The following ROBO1 variants were observed in gnomAD, a reference collection of about 807,000 sequenced individuals.
ROBO1 encodes roundabout homolog 1.
A neutral mutation model predicts 195.9 loss-of-function variants in ROBO1; 149 were observed. The observed-to-expected ratio is 0.76, with a 90% CI of 0.67 to 0.87. The LOEUF (loss-of-function observed/expected upper bound fraction) is 0.87. Ranked by LOEUF, ROBO1 falls within the 40% of genes least tolerant of loss-of-function variation. The pLI, the probability that ROBO1 is intolerant of heterozygous loss-of-function variation, is 0.00. For synonymous variants in ROBO1, 816 were observed against 733.2 expected, an observed-to-expected ratio of 1.11 and a Z score of -1.82; for missense variants, 1,933 against 2,068.3, an observed-to-expected ratio of 0.93 and a Z score of 1.27.
intron 2 of ROBO1, 42 bp from the exon 3 acceptor site, chr3:79,125,581 G>GT (rs2080201125): frequency 1.5e-5 from 22 of 1,473,994 alleles, no homozygotes; most frequent in Non-Finnish European, 2.0e-5. Context: ...GGTCACAGTA[G>GT]TAACAGTAGT....
chr3:78,886,655 T>C (rs566345171), intron 4 of ROBO1, among the ~76,000 whole-genome samples: 4 of 152,006 alleles, frequency 2.6e-5, no homozygotes, highest in Non-Finnish European at 5.9e-5. Context: ...AGAAAGAAGA[T>C]GCCTTTCAAA....
intron 1 of ROBO1, among the ~76,000 whole-genome samples, chr3:79,755,984 C>A (rs1704373341): frequency 6.6e-6 from 1 of 152,222 alleles, no homozygotes; most frequent in Non-Finnish European, 1.5e-5. Context: ...ATTTGGCTAT[C>A]CAGTCATTTC....
At chr3:78,716,246 T>C (rs1235048190) in intron 7 of ROBO1, among the ~76,000 whole-genome samples, 1 of 152,156 alleles carries the variant, frequency 6.6e-6, no homozygotes, top group Non-Finnish European at 1.5e-5. Flanking sequence ...GTTCTCACAC[T>C]GCTATGAAGA....
intron 2 of ROBO1, among the ~76,000 whole-genome samples, chr3:79,416,966 G>C (rs971065943): frequency 6.6e-6 from 1 of 152,188 alleles, no homozygotes; most frequent in South Asian, 2.1e-4. Context: ...AGTTAAAAAA[G>C]TAACAATAAC....
At chr3:79,271,229 A>T (rs1192779114) in intron 2 of ROBO1, among the ~76,000 whole-genome samples, 2 of 151,910 alleles carry the variant, frequency 1.3e-5, no homozygotes, top group African/African-American at 4.8e-5. Flanking sequence ...CATTACCAGA[A>T]TTTTTTTTAT....
At chr3:79,575,852 C>T (rs181665900) in intron 2 of ROBO1, among the ~76,000 whole-genome samples, 6 of 151,850 alleles carry the variant, frequency 4.0e-5, no homozygotes, top group Non-Finnish European at 7.4e-5. Context: ...TTACAACAAG[C>T]ATTCACAATT....
chr3:79,587,407 A>T (rs1325600752), intron 2 of ROBO1, among the ~76,000 whole-genome samples: 5 of 151,788 alleles, frequency 3.3e-5, no homozygotes, highest in Non-Finnish European at 7.4e-5. Flanking sequence ...GTACCCTGAG[A>T]AGTCTTGTTC....
chr3:78,661,604 G>A (rs9840004), intron 15 of ROBO1, among the ~76,000 whole-genome samples: 43,035 of 151,980 alleles, frequency 0.28, 6,683 homozygotes, highest in African/African-American at 0.42. Context: ...ATTGCATGTA[G>A]GACATCCCTG....
chr3:79,749,888 C>A (rs1704051896), intron 1 of ROBO1, among the ~76,000 whole-genome samples: 1 of 152,202 alleles, frequency 6.6e-6, no homozygotes, highest in South Asian at 2.1e-4. Context: ...TCAGAGCCCC[C>A]ACACAGAGTC....
At chr3:78,655,446 C>T (rs552209863) in intron 18 of ROBO1, among the ~76,000 whole-genome samples, 9 of 152,250 alleles carry the variant, frequency 5.9e-5, no homozygotes, top group Admixed American at 1.3e-4. Flanking sequence ...CTGCTACAGG[C>T]CCAGGGTCCA....
intron 4 of ROBO1, among the ~76,000 whole-genome samples, chr3:78,885,228 G>C (rs2036476022): frequency 6.6e-6 from 1 of 151,780 alleles, no homozygotes; most frequent in Non-Finnish European, 1.5e-5. Flanking sequence ...TGGACACATA[G>C]AGGTAAAAAA....
intron 1 of ROBO1, among the ~76,000 whole-genome samples, chr3:79,660,107 A>C (rs563416484): frequency 6.6e-6 from 1 of 152,024 alleles, no homozygotes; most frequent in Non-Finnish European, 1.5e-5. Context: ...TTTCAGGTTT[A>C]CCAAATATTT....
intron 29 of ROBO1, among the ~76,000 whole-genome samples, chr3:78,602,147 G>A (rs1372123419): frequency 6.6e-6 from 1 of 152,074 alleles, no homozygotes; most frequent in African/African-American, 2.4e-5. Flanking sequence ...CACTGTTGGA[G>A]GTGGGGCCAG....
At chr3:78,708,060 T>C (rs895830234) in intron 8 of ROBO1, among the ~76,000 whole-genome samples, 1 of 152,132 alleles carries the variant, frequency 6.6e-6, no homozygotes, top group Non-Finnish European at 1.5e-5. Flanking sequence ...CAAATTTACT[T>C]TGGAAATGAA....
intron 2 of ROBO1, among the ~76,000 whole-genome samples, chr3:79,419,646 T>C (rs1044467936): frequency 1.3e-5 from 2 of 152,108 alleles, no homozygotes; most frequent in African/African-American, 2.4e-5. Context: ...ATGACAGGAA[T>C]TGATGTTCAT....
In ROBO1 at chr3:79,299,520, C is replaced by G. The variant is rs141158888; in HGVS notation, c.89-173981G>C. 4.7e-3 allele frequency among the ~76,000 whole-genome samples: 709 copies of G among 151,850 alleles called. 5 individuals are homozygous for G. Among genetic ancestry groups the G allele is most frequent in the African/African-American group, 0.016 (681 of 41,484 alleles). ...TGTAATATATGCTCTTGCAGATGTA[C>G]TAATAAATGTTAACAATTAATACTA... On this transcript the variant is annotated intron_variant, in intron 2 of 30. Coordinates refer to ENST00000464233, the MANE Select transcript of ROBO1 (RefSeq NM_002941.4).
intron 2 of ROBO1, among the ~76,000 whole-genome samples, chr3:79,514,381 C>A (rs373209216): frequency 1.3e-5 from 2 of 152,112 alleles, no homozygotes; most frequent in African/African-American, 2.4e-5. Context: ...CAAAATACTT[C>A]TTAAAGAATG....
At chr3:78,677,356 C>G (rs1305737764) in intron 10 of ROBO1, among the ~76,000 whole-genome samples, 2 of 152,052 alleles carry the variant, frequency 1.3e-5, no homozygotes, top group Non-Finnish European at 1.5e-5. Flanking sequence ...ACTAAATGCT[C>G]CAATTAAAAG....
At chr3:79,258,294 T>G (rs1449086816) in intron 2 of ROBO1, among the ~76,000 whole-genome samples, 2 of 152,198 alleles carry the variant, frequency 1.3e-5, no homozygotes, top group African/African-American at 2.4e-5. Context: ...CAGAAAATAG[T>G]GTACACATGT....
Sources: allele counts gnomAD v4.1 joint callset (sites outside exome capture counted in the v4.1 genomes callset), GRCh38; gene constraint gnomAD v4.1.1; transcripts MANE v1.5; gene names NCBI Gene and HGNC (gene_info 2026-07-23, HGNC 2026-07-21).